WWC1: variants seen among roughly 807,000 people sequenced by gnomAD.
WWC1 encodes the protein WW and C2 domain containing 1, also known as protein KIBRA.
Under a neutral mutation model 138.4 loss-of-function variants are expected in WWC1, and 55 were observed. The ratio of observed to expected loss-of-function variants is 0.40; its 90% CI spans 0.32 to 0.50. The LOEUF (loss-of-function observed/expected upper bound fraction) is 0.50. Among genes scored for constraint, WWC1 ranks in the 20% least tolerant of loss-of-function variants. The probability of loss-of-function intolerance (pLI) is 0.72; values close to 1 mark genes in which losing one functional copy is unlikely to be tolerated. For missense variants in WWC1, 1,226 were observed against 1,420.4 expected, an observed-to-expected ratio of 0.86 and a Z score of 2.20; for synonymous variants, 524 against 564.9, an observed-to-expected ratio of 0.93 and a Z score of 1.03.
chr5:168,456,253 A>G (rs1158048812), intron 19 of WWC1, among the ~76,000 whole-genome samples: 1 of 152,148 alleles, frequency 6.6e-6, no homozygotes, highest in Admixed American at 6.5e-5. Context: ...GCAGTGAGCC[A>G]TGATTGCGCC....
chr5:168,468,835 T>G (rs374140763), intron 22 of WWC1, 116 bp from the exon 23 acceptor site: 2 of 1,119,190 alleles, frequency 1.8e-6, no homozygotes. Flanking sequence ...AGGACGTTGC[T>G]AAACATTCTG....
intron 1 of WWC1, among the ~76,000 whole-genome samples, chr5:168,367,331 T>G (rs553584889): frequency 6.6e-6 from 1 of 152,168 alleles, no homozygotes; most frequent in South Asian, 2.1e-4. Flanking sequence ...TATTTTTTAT[T>G]TATTTACTTA....
chr5:168,340,110 C>T (rs1051170929), intron 1 of WWC1, among the ~76,000 whole-genome samples: 5 of 150,600 alleles, frequency 3.3e-5, no homozygotes, highest in Non-Finnish European at 4.4e-5. Flanking sequence ...TGGTCTCGCT[C>T]TGTCGCCTAG....
chr5:168,375,811 G>A (rs1433814974), intron 2 of WWC1, among the ~76,000 whole-genome samples: 4 of 152,002 alleles, frequency 2.6e-5, no homozygotes, highest in Non-Finnish European at 5.9e-5. Context: ...CTAACCTCAG[G>A]TGATCTGCCC....
rs1323836785 is a variant in WWC1, at chr5:168,470,134, C to G, written c.*1117C>G. 2 of 152,214 alleles carry G rather than the reference C, an allele frequency of 1.3e-5. No individual in the cohort carries two copies. Among genetic ancestry groups the G allele is most frequent in the Non-Finnish European group, 2.9e-5 (2 of 68,082 alleles). 9.4% of individuals were successfully genotyped at this position (152,214 alleles called of 1,614,324 possible). The stretch of plus-strand genomic sequence containing the variant: ...TCCTGTGGCCCCTATTCCTACCCAG[C>G]TCAGAGCTTTGCAGGGTCTACTGCA... On this transcript the variant is annotated 3_prime_UTR_variant, in exon 23 of 23. Transcript: ENST00000265293.
chr5:168,354,770 T>G (rs6880261), intron 1 of WWC1, among the ~76,000 whole-genome samples: 97,473 of 151,988 alleles, frequency 0.64, 31,455 homozygotes, highest in South Asian at 0.69. Flanking sequence ...CATTTCCAGT[T>G]TGCTGTGGGG....
intron 1 of WWC1, among the ~76,000 whole-genome samples, chr5:168,336,860 AC>A (rs1184129956): frequency 6.6e-6 from 1 of 152,044 alleles, no homozygotes; most frequent in Non-Finnish European, 1.5e-5. Flanking sequence ...CAAGATGCCT[AC>A]CCTGTCTGTG....
At chr5:168,339,859 TTCTC>T (rs1247837596) in intron 1 of WWC1, among the ~76,000 whole-genome samples, 10 of 138,964 alleles carry the variant, frequency 7.2e-5, no homozygotes, top group Admixed American at 2.1e-4. Flanking sequence ...CTTTCTCTCT[TTCTC>T]TCTCTCTCTC....
At chr5:168,301,030 A>G (rs544547795) in intron 1 of WWC1, among the ~76,000 whole-genome samples, 1 of 152,352 alleles carries the variant, frequency 6.6e-6, no homozygotes, top group Admixed American at 6.5e-5. Context: ...AGTGAGAACA[A>G]TAACTGGCAC....
Position 168,465,598 on chromosome 5 carries a change from C to T in WWC1, c.3150+636C>T, listed in dbSNP as rs150692672. Among the ~76,000 whole-genome samples, 742 of 96,968 alleles carry T rather than the reference C, an allele frequency of 7.7e-3. 6 individuals carry two copies. Among genetic ancestry groups the T allele is most frequent in the African/African-American group, 0.029 (697 of 24,236 alleles). The allele number at this position is 96,968 out of a possible 152,430, so 63.6% of individuals were successfully genotyped here. On this transcript the variant is annotated intron_variant, in intron 21 of 22. Transcript: ENST00000265293. ...TTTTGGAGATGGGTTTTCTCTCTGT[C>T]GCCCGGGCTGGAGTGTGGTGGCATG...
intron 17 of WWC1, among the ~76,000 whole-genome samples, chr5:168,448,897 G>A (rs1357993850): frequency 3.3e-5 from 5 of 152,240 alleles, no homozygotes; most frequent in African/African-American, 9.6e-5. Flanking sequence ...GGGATTACAG[G>A]CATGAGCCAC....
chr5:168,458,154 T>C (rs1738228274), intron 19 of WWC1, among the ~76,000 whole-genome samples: 2 of 152,182 alleles, frequency 1.3e-5, no homozygotes, highest in African/African-American at 4.8e-5. Flanking sequence ...TCAGCAACAC[T>C]TCCAGCCCCC....
At chr5:168,465,880 G>C (rs1757255701) in intron 21 of WWC1, among the ~76,000 whole-genome samples, 1 of 152,122 alleles carries the variant, frequency 6.6e-6, no homozygotes, top group Non-Finnish European at 1.5e-5. Flanking sequence ...TGACAGGTTT[G>C]CATGCAGGGG....
chr5:168,385,562 TC>T, intron 3 of WWC1, 148 bp downstream of exon 3: 1 of 781,790 alleles, frequency 1.3e-6, no homozygotes, highest in Admixed American at 2.8e-5. Flanking sequence ...CTCTTCCTGC[TC>T]CTACCTGTGC....
intron 1 of WWC1, among the ~76,000 whole-genome samples, chr5:168,370,646 C>T (rs1176199270): frequency 7.9e-5 from 12 of 152,228 alleles, no homozygotes; most frequent in Non-Finnish European, 5.9e-5. Context: ...TTCCCATACT[C>T]TGGTTTAAAT....
At chr5:168,303,471 T>C (rs1770274798) in intron 1 of WWC1, among the ~76,000 whole-genome samples, 1 of 152,062 alleles carries the variant, frequency 6.6e-6, no homozygotes. Flanking sequence ...GAGCTGGGCA[T>C]GGTGGTCCAC....
At chr5:168,404,149 C>T (rs991027376) in intron 5 of WWC1, among the ~76,000 whole-genome samples, 12 of 152,178 alleles carry the variant, frequency 7.9e-5, no homozygotes, top group Admixed American at 7.2e-4. Flanking sequence ...ATTCGAAGCC[C>T]TTCTTGCCCT....
chr5:168,402,270 C>A (rs923370922), intron 5 of WWC1, among the ~76,000 whole-genome samples: 2 of 152,230 alleles, frequency 1.3e-5, no homozygotes, highest in African/African-American at 4.8e-5. Flanking sequence ...GAGGAAGATG[C>A]GTCCTTTAAT....
At chr5:168,429,006 TG>T (rs1371210097) in intron 13 of WWC1, among the ~76,000 whole-genome samples, 2 of 151,940 alleles carry the variant, frequency 1.3e-5, no homozygotes, top group African/African-American at 2.4e-5. Flanking sequence ...GTTGGAGAAA[TG>T]GGGTTTTAAA....
Sources: allele counts gnomAD v4.1 joint callset (sites outside exome capture counted in the v4.1 genomes callset), GRCh38; gene constraint gnomAD v4.1.1; transcripts MANE v1.5; gene names NCBI Gene and HGNC (gene_info 2026-07-23, HGNC 2026-07-21).